SGCD: variants seen among roughly 807,000 people sequenced by gnomAD.
SGCD encodes sarcoglycan delta, also known as delta-sarcoglycan.
A neutral mutation model predicts 36.6 loss-of-function variants in SGCD; 18 were observed. The observed-to-expected ratio is 0.49, with a 90% CI of 0.34 to 0.73. SGCD has a LOEUF of 0.73. SGCD is among the 30% of genes least tolerant of loss of function. The pLI, the probability that SGCD is intolerant of heterozygous loss-of-function variation, is 0.01. For missense variants in SGCD, 387 were observed against 346.7 expected (o/e 1.12, Z -0.92); for synonymous variants, 133 against 130.6 (o/e 1.02, Z -0.12).
chr5:156,416,464 A>G (rs1253032409), intron 3 of SGCD, among the ~76,000 whole-genome samples: 1 of 152,220 alleles, frequency 6.6e-6, no homozygotes, highest in Non-Finnish European at 1.5e-5. Context: ...GCACCACTAA[A>G]GAACTTATTC....
intron 4 of SGCD, among the ~76,000 whole-genome samples, chr5:156,573,901 C>T (rs562282626): frequency 9.2e-5 from 14 of 152,158 alleles, no homozygotes; most frequent in South Asian, 4.2e-4. Flanking sequence ...CTATGTTGCC[C>T]GGGCTGGTCT....
chr5:156,370,931 T>A (rs771381982), intron 3 of SGCD, among the ~76,000 whole-genome samples: 34 of 152,038 alleles, frequency 2.2e-4, no homozygotes, highest in Non-Finnish European at 4.4e-4. Context: ...AATTACTATA[T>A]TTTTTTATTT....
chr5:156,271,994 CTTATAATTTATTT>C (rs1183644678), intron 3 of SGCD, among the ~76,000 whole-genome samples: 1 of 152,102 alleles, frequency 6.6e-6, no homozygotes, highest in Non-Finnish European at 1.5e-5. Context: ...TGTCACTTGT[CTTATAATTTATTT>C]TTATAATTTT....
At chr5:156,557,381 T>C (rs1759070840) in intron 4 of SGCD, among the ~76,000 whole-genome samples, 1 of 152,188 alleles carries the variant, frequency 6.6e-6, no homozygotes, top group African/African-American at 2.4e-5. Context: ...CAAGTATTGC[T>C]GGCCATGTGG....
At chr5:156,331,715 C>CTATT (rs149207751) in intron 2 of SGCD, among the ~76,000 whole-genome samples, 26,035 of 151,988 alleles carry the variant, frequency 0.17, 3,248 homozygotes, top group African/African-American at 0.35. Context: ...GCCACTGAAA[C>CTATT]TATTCATTGA....
chr5:156,702,813 T>C (rs1758213491), intron 7 of SGCD, among the ~76,000 whole-genome samples: 1 of 151,088 alleles, frequency 6.6e-6, no homozygotes, highest in Non-Finnish European at 1.5e-5. Flanking sequence ...TGTTTTAAAC[T>C]ATCTTCTCAA....
chr5:155,942,959 C>T (rs1757360601), intron 1 of SGCD, among the ~76,000 whole-genome samples: 1 of 152,150 alleles, frequency 6.6e-6, no homozygotes, highest in South Asian at 2.1e-4. Context: ...TCCATAATGC[C>T]TCCTAGACTT....
intron 7 of SGCD, among the ~76,000 whole-genome samples, chr5:156,718,588 T>C (rs1302362813): frequency 2.0e-5 from 3 of 151,964 alleles, no homozygotes; most frequent in Non-Finnish European, 4.4e-5. Flanking sequence ...GAGACCAGCC[T>C]GGGCAACATA....
chr5:156,648,936 A>G (rs1763344411), intron 7 of SGCD, among the ~76,000 whole-genome samples: 1 of 152,124 alleles, frequency 6.6e-6, no homozygotes, highest in South Asian at 2.1e-4. Flanking sequence ...CATTCTTTTC[A>G]CAGTCCTCTG....
At chr5:155,838,888 A>G in the SGCD span, among the ~76,000 whole-genome samples, 2 of 152,182 alleles carry the variant, frequency 1.3e-5, no homozygotes, top group South Asian at 4.2e-4. Flanking sequence ...TGAGTGACTG[A>G]GGCAGGCATC....
chr5:156,644,075 T>TA (rs1763140904), intron 6 of SGCD, among the ~76,000 whole-genome samples: 1 of 152,192 alleles, frequency 6.6e-6, no homozygotes, highest in Admixed American at 6.5e-5. Context: ...TTTAAATTCT[T>TA]AAACAATTTT....
At chr5:156,307,958 C>T (rs1003589912) in intron 3 of SGCD, among the ~76,000 whole-genome samples, 4 of 150,978 alleles carry the variant, frequency 2.6e-5, no homozygotes, top group Admixed American at 2.0e-4. Flanking sequence ...AGCTTTTATA[C>T]TAATTTTTTA....
rs1010397689 is a variant in SGCD, at chr5:156,153,257, T to G, written c.-44+29238T>G. On this transcript the variant is annotated intron_variant, in intron 3 of 9. Transcript: ENST00000517913. ...ATCAAGTGAGTAAAAAATGTTGTTT[T>G]TTTTTTTTTCCTGGGAAAAATAGGA... Among the ~76,000 whole-genome samples the G allele has an allele frequency of 9.9e-5, 15 of 151,564 alleles. 1 individual carries two copies. Among genetic ancestry groups the G allele is most frequent in the African/African-American group, 3.2e-4 (13 of 40,888 alleles).
At chr5:155,873,703 A>G (rs768110976) in intron 1 of SGCD, among the ~76,000 whole-genome samples, 1 of 152,164 alleles carries the variant, frequency 6.6e-6, no homozygotes, top group Non-Finnish European at 1.5e-5. Flanking sequence ...AGTCATTACC[A>G]AAAGAACACA....
At chr5:156,145,754 A>T (rs1365767254) in intron 3 of SGCD, among the ~76,000 whole-genome samples, 1 of 152,226 alleles carries the variant, frequency 6.6e-6, no homozygotes, top group Non-Finnish European at 1.5e-5. Context: ...TCACATGAAC[A>T]AATTGAAGTG....
At chr5:156,409,927 C>T (rs528882109) in intron 3 of SGCD, among the ~76,000 whole-genome samples, 1 of 151,948 alleles carries the variant, frequency 6.6e-6, no homozygotes, top group African/African-American at 2.4e-5. Flanking sequence ...CCACAGAAAC[C>T]CTGTACAAAT....
chr5:156,366,592 A>G (rs1257124075), intron 3 of SGCD, among the ~76,000 whole-genome samples: 2 of 152,222 alleles, frequency 1.3e-5, no homozygotes, highest in African/African-American at 4.8e-5. Flanking sequence ...ACATGTGATT[A>G]CTATGGAGGA....
chr5:156,661,702 G>A (rs1763933925), intron 7 of SGCD, among the ~76,000 whole-genome samples: 1 of 149,962 alleles, frequency 6.7e-6, no homozygotes, highest in East Asian at 1.9e-4. Flanking sequence ...TTTGTTTTTG[G>A]GTAATGATTA....
intron 3 of SGCD, among the ~76,000 whole-genome samples, chr5:156,493,750 A>C (rs145550308): frequency 6.3e-4 from 96 of 152,290 alleles, no homozygotes; most frequent in African/African-American, 2.2e-3. Flanking sequence ...TTACCCAGGG[A>C]AGAAAGCAGC....
Sources: gnomAD v4.1 joint callset for allele counts (sites outside exome capture counted in the v4.1 genomes callset) on GRCh38, gnomAD v4.1.1 for gene constraint, MANE v1.5 for transcripts, NCBI Gene and HGNC (gene_info 2026-07-23, HGNC 2026-07-21) for gene names.